Variants in CPNE4 observed in about 807,000 individuals in gnomAD.
CPNE4 encodes copine 4.
CPNE4 carries 25 observed loss-of-function variants against 67.9 expected under a neutral mutation model. The observed-to-expected ratio is 0.37, with a 90% CI of 0.27 to 0.51. The LOEUF is 0.51. CPNE4 is among the 20% of genes least tolerant of loss of function. The pLI is 0.93. For missense variants in CPNE4, 464 were observed against 690.8 expected (o/e 0.67, Z 3.68); for synonymous variants, 242 against 244.9 (o/e 0.99, Z 0.11).
intron 7 of CPNE4, among the ~76,000 whole-genome samples, chr3:131,636,715 G>A (rs971365066): frequency 6.6e-6 from 1 of 152,178 alleles, no homozygotes; most frequent in Non-Finnish European, 1.5e-5. Context: ...GCAACCTCCT[G>A]GCTGGAGGCC....
At chr3:131,976,541 G>T (rs1352695598) in intron 1 of CPNE4, among the ~76,000 whole-genome samples, 4 of 152,018 alleles carry the variant, frequency 2.6e-5, no homozygotes. Flanking sequence ...CCTTCTCCTG[G>T]GGTGTATGTC....
chr3:131,741,102 T>C (rs1309471526), intron 2 of CPNE4, among the ~76,000 whole-genome samples: 1 of 152,230 alleles, frequency 6.6e-6, no homozygotes, highest in Non-Finnish European at 1.5e-5. Context: ...TTCCATTTGC[T>C]GCTTTAATTT....
At chr3:131,902,913 T>C (rs1003653308) in intron 2 of CPNE4, among the ~76,000 whole-genome samples, 1 of 152,130 alleles carries the variant, frequency 6.6e-6, no homozygotes, top group African/African-American at 2.4e-5. Flanking sequence ...AATACTGTTT[T>C]ATATTTACAT....
In CPNE4 at chr3:131,905,427, T is replaced by C. The variant is rs2088708388; in HGVS notation, c.17A>G (p.Asn6Ser). The change falls in exon 2 of 16, where the codon AAC becomes AGC. Residue 6 changes from asparagine to serine, a missense_variant. Coordinates refer to ENST00000429747, the MANE Select transcript of CPNE4 (RefSeq NM_130808.3). MKKMS[N>S]IYESAANTLG... Reference sequence around the variant, plus strand: ...TGTGTTGGCAGCGGACTCATAAATGTTGCTCATCTTCTTCATTCTGTTTTA... The same window carrying C: ...TGTGTTGGCAGCGGACTCATAAATGCTGCTCATCTTCTTCATTCTGTTTTA... 1.2e-6 allele frequency: 2 copies of C among 1,612,894 alleles called. No individual in the cohort carries two copies. Among genetic ancestry groups the C allele is most frequent in the Non-Finnish European group, 1.7e-6 (2 of 1,179,416 alleles).
chr3:131,876,192 T>C (rs2087437593), intron 2 of CPNE4, among the ~76,000 whole-genome samples: 1 of 151,480 alleles, frequency 6.6e-6, no homozygotes, highest in African/African-American at 2.4e-5. Flanking sequence ...TGAGCCGAGA[T>C]GGCACCCCTG....
chr3:131,852,118 TAC>T (rs1338178878), intron 2 of CPNE4, among the ~76,000 whole-genome samples: 1 of 152,086 alleles, frequency 6.6e-6, no homozygotes, highest in Admixed American at 6.6e-5. Context: ...TGTTCACTCA[TAC>T]GTTTTATTCT....
chr3:131,797,887 G>A (rs1560334492), intron 2 of CPNE4, among the ~76,000 whole-genome samples: 1 of 152,134 alleles, frequency 6.6e-6, no homozygotes, highest in Non-Finnish European at 1.5e-5. Context: ...ACCACAGACT[G>A]GGTGGTTTAA....
chr3:131,631,851 G>T (rs1431743164), intron 7 of CPNE4, among the ~76,000 whole-genome samples: 1 of 151,412 alleles, frequency 6.6e-6, no homozygotes, highest in Non-Finnish European at 1.5e-5. Flanking sequence ...CCAGTTCTGT[G>T]ATAGGTGCTT....
intron 3 of CPNE4, among the ~76,000 whole-genome samples, chr3:131,712,371 A>G (rs1218691143): frequency 6.6e-6 from 1 of 152,214 alleles, no homozygotes; most frequent in Non-Finnish European, 1.5e-5. Context: ...TGGCCTGTAA[A>G]GAAATGGGTA....
At chr3:131,797,175 A>G (rs538173706) in intron 2 of CPNE4, among the ~76,000 whole-genome samples, 25 of 152,278 alleles carry the variant, frequency 1.6e-4, no homozygotes, top group African/African-American at 6.0e-4. Flanking sequence ...TTTGTCAAGG[A>G]GGGATGGGCT....
At chr3:131,898,698 C>A (rs894991202) in intron 2 of CPNE4, among the ~76,000 whole-genome samples, 1 of 152,074 alleles carries the variant, frequency 6.6e-6, no homozygotes, top group Non-Finnish European at 1.5e-5. Flanking sequence ...ATGGAACCAT[C>A]AGCCTCTGGT....
intron 1 of CPNE4, among the ~76,000 whole-genome samples, chr3:131,924,559 T>C (rs1316704129): frequency 6.6e-6 from 1 of 152,182 alleles, no homozygotes; most frequent in African/African-American, 2.4e-5. Flanking sequence ...GGCACCTGTG[T>C]TTTATCTCAG....
intron 2 of CPNE4, among the ~76,000 whole-genome samples, chr3:131,761,719 T>C (rs1035577729): frequency 1.3e-5 from 2 of 152,120 alleles, no homozygotes; most frequent in African/African-American, 4.8e-5. Flanking sequence ...TTTGCTTCTC[T>C]TGGGACCCTA....
Position 131,555,548 on chromosome 3 carries a change from G to A in CPNE4, c.1065C>T (p.Asp355=), listed in dbSNP as rs757078596. 3.7e-6 allele frequency: 6 copies of A among 1,612,388 alleles called. No individual in the cohort carries two copies. The highest frequency in any genetic ancestry group is 4.2e-6 in the Non-Finnish European group (5 of 1,179,072). ...VGEICQDYDS[D]KMFPAFGFGA... The stretch of plus-strand genomic sequence containing the variant: ...CAAACCCAAAGGCAGGGAACATTTT[G>A]TCACTGAAACCAAAATGAAGAAAAG... Residue 355 remains aspartate (D), a synonymous_variant, in exon 12 of 16, where the codon GAC becomes GAT. Transcript: ENST00000429747.
At chr3:131,839,927 T>A (rs1369762829) in intron 2 of CPNE4, among the ~76,000 whole-genome samples, 1 of 152,192 alleles carries the variant, frequency 6.6e-6, no homozygotes, top group African/African-American at 2.4e-5. Context: ...TGCAGTTCAA[T>A]TATCTATCAT....
At chr3:131,753,495 A>G (rs527547827) in intron 2 of CPNE4, among the ~76,000 whole-genome samples, 1 of 152,180 alleles carries the variant, frequency 6.6e-6, no homozygotes, top group Non-Finnish European at 1.5e-5. Flanking sequence ...CAAATGATAC[A>G]TGTAGAAGAA....
chr3:131,591,641 G>A (rs1237021590), intron 7 of CPNE4, among the ~76,000 whole-genome samples: 3 of 152,176 alleles, frequency 2.0e-5, no homozygotes, highest in Non-Finnish European at 4.4e-5. Flanking sequence ...GCTTACAGGG[G>A]TCTCTTTCTT....
At position 131,669,681 on chromosome 3, in the gene CPNE4, C is replaced by T. The variant is rs2107654984; in HGVS notation, c.675G>A (p.Arg225=). The change falls in exon 7 of 16, where the codon CGG becomes CGA. Residue 225 remains arginine, a synonymous_variant. Coordinates refer to ENST00000429747, the MANE Select transcript of CPNE4 (RefSeq NM_130808.3). ...TTGGACACAGATTTCTGACCTTTAG[C>T]CGGCGGTCTGGGTCTCCGCTGCATA... ...NSLCSGDPDR[R]LKCIVWDWDS... 6.2e-7 allele frequency: 1 copy of T among 1,609,532 alleles called. No homozygotes were observed. Among genetic ancestry groups the T allele is most frequent in the South Asian group, 1.1e-5 (1 of 90,148 alleles).
chr3:131,986,867 C>CA (rs112652096), intron 1 of CPNE4, among the ~76,000 whole-genome samples: 9,251 of 134,498 alleles, frequency 0.069, 938 homozygotes, highest in African/African-American at 0.24. Context: ...AACAAACAAA[C>CA]AAAAAAAAAA....
Sources: allele counts gnomAD v4.1 joint callset (sites outside exome capture counted in the v4.1 genomes callset), GRCh38; gene constraint gnomAD v4.1.1; transcripts MANE v1.5; gene names NCBI Gene and HGNC (gene_info 2026-07-23, HGNC 2026-07-21).